KCNQ1: variants seen among roughly 807,000 people sequenced by gnomAD.
KCNQ1 encodes the protein potassium voltage-gated channel subfamily KQT member 1.
Under a neutral mutation model 72.4 loss-of-function variants are expected in KCNQ1, and 49 were observed. The observed-to-expected ratio is 0.68, with a 90% confidence interval of 0.54 to 0.86. KCNQ1 has a LOEUF of 0.86. KCNQ1 is among the 40% of genes least tolerant of loss of function. KCNQ1 has a pLI of 0.00. For synonymous variants in KCNQ1, 450 were observed against 412.6 expected (o/e 1.09, Z -1.10); for missense variants, 790 against 945.1 (o/e 0.84, Z 2.15).
intron 15 of KCNQ1, among the ~76,000 whole-genome samples, chr11:2,829,007 A>G (rs908951047): frequency 6.6e-6 from 1 of 152,278 alleles, no homozygotes; most frequent in East Asian, 1.9e-4. Context: ...TTTCCCATCC[A>G]GAATTCTATA....
Position 2,652,780 on chromosome 11 carries a change from C to G in KCNQ1, c.1394-9181C>G, listed in dbSNP as rs145116772. The stretch of plus-strand genomic sequence containing the variant: ...CACTGCCTGTCTTCCTCAGCGCCCC[C>G]GCTACTCAGACCCCACCCTTGGGCC... On this transcript the variant is annotated intron_variant, in intron 10 of 15. Coordinates refer to ENST00000155840, the MANE Select transcript of KCNQ1 (RefSeq NM_000218.3). This position sits in a 1 kb window ranked among gnomAD's most constrained non-coding sequence, Gnocchi z 5.9. The G allele has an allele frequency of 2.5e-6, 1 of 399,056 alleles. No individual in the cohort carries two copies. The highest frequency in any genetic ancestry group is 3.6e-5 in the East Asian group (1 of 28,098). The allele number at this position is 399,056 out of a possible 1,614,324, so 24.7% of individuals were successfully genotyped here.
intron 11 of KCNQ1, chr11:2,685,991 C>T (rs1850482763): frequency 2.5e-6 from 1 of 398,682 alleles, no homozygotes; most frequent in African/African-American, 2.1e-5. Flanking sequence ...GCCTCAGACT[C>T]CACACCAAGA....
rs1220260996 is a variant in KCNQ1 at position 2,511,965 on chromosome 11, CA to C, written c.387-15962del. 9.8e-5 allele frequency among the ~76,000 whole-genome samples: 15 copies of C among 152,326 alleles called. No homozygotes were observed. In the East Asian group the frequency reaches 2.9e-3, roughly 29 times the overall value. On this transcript the variant is annotated intron_variant, in intron 1 of 15. Coordinates refer to ENST00000155840, the MANE Select transcript of KCNQ1 (RefSeq NM_000218.3). The stretch of plus-strand genomic sequence containing the variant: ...ATGGACAGGGCATGAGGAAGCAGTG[CA>C]GAGGAAGCGTGAGCATTTGTCTCGG...
intron 2 of KCNQ1, among the ~76,000 whole-genome samples, chr11:2,548,107 G>A (rs1033776208): frequency 6.6e-5 from 10 of 152,134 alleles, no homozygotes; most frequent in Non-Finnish European, 1.0e-4. Context: ...CAGACTTAAC[G>A]CCGCCCCTCT....
Position 2,652,189 on chromosome 11 carries a change from G to A in KCNQ1, c.1394-9772G>A. Reference sequence around the variant, plus strand: ...GGGGGTGGGGCCCCAGCAGATGTCTGGATTTGGTAGCCAGGGCCTGGAGCC... The same window carrying A: ...GGGGGTGGGGCCCCAGCAGATGTCTAGATTTGGTAGCCAGGGCCTGGAGCC... On this transcript the variant is annotated intron_variant, in intron 10 of 15. Coordinates refer to ENST00000155840, the MANE Select transcript of KCNQ1 (RefSeq NM_000218.3). The surrounding 1 kb of genome is among the most constrained non-coding windows in gnomAD (Gnocchi z 5.9). 1 of 398,630 alleles carries A rather than the reference G, an allele frequency of 2.5e-6. No individual in the cohort carries two copies. Among genetic ancestry groups the A allele is most frequent in the East Asian group, 3.6e-5 (1 of 28,056 alleles). 24.7% of individuals were successfully genotyped at this position (398,630 alleles called of 1,614,324 possible).
rs1376890642 is a variant in KCNQ1, at chr11:2,661,067, C to G, written c.1394-894C>G. The G allele has an allele frequency of 4.0e-5, 16 of 398,228 alleles. No individual in the cohort carries two copies. In the Admixed American group the frequency reaches 5.3e-4, roughly 13 times the overall value. The allele number at this position is 398,228 out of a possible 1,614,324, so 24.7% of individuals were successfully genotyped here. ...TGTTACAGAGTGACAGGAACAGAGT[C>G]ACAGTGACATCCCATGTGCATAAAA... On this transcript the variant is annotated intron_variant, in intron 10 of 15. Transcript: ENST00000155840. The surrounding 1 kb of genome is among the most constrained non-coding windows in gnomAD (Gnocchi z 5.9).
chr11:2,781,052 C>T lies in KCNQ1; in HGVS notation c.1794+3015C>T, dbSNP rs771607233. Among the ~76,000 whole-genome samples, 6 of 152,202 alleles carry T rather than the reference C, an allele frequency of 3.9e-5. No homozygotes were observed. Among genetic ancestry groups the T allele is most frequent in the South Asian group, 2.1e-4 (1 of 4,826 alleles). On this transcript the variant is annotated intron_variant, in intron 15 of 15. Transcript: ENST00000155840. This position sits in a 1 kb window ranked among gnomAD's most constrained non-coding sequence, Gnocchi z 6.6. ...CGCAGATCCAGGGGCCTCCTCACAG[C>T]GAGTCTACTTCCTGCGGGCCTCCCT...
intron 1 of KCNQ1, among the ~76,000 whole-genome samples, chr11:2,490,297 C>T (rs1080015): frequency 0.53 from 80,481 of 152,140 alleles, 22,640 homozygotes; most frequent in Non-Finnish European, 0.63. Context: ...TCTTTGACTA[C>T]AGACCCTTGC....
In KCNQ1 at chr11:2,626,961, C is replaced by T. The variant is rs1849271586; in HGVS notation, c.1394-35000C>T. 1 of 398,484 alleles carries T rather than the reference C, an allele frequency of 2.5e-6. No individual in the cohort carries two copies. The highest frequency in any genetic ancestry group is 2.1e-5 in the African/African-American group (1 of 48,624). 24.7% of individuals were successfully genotyped at this position (398,484 alleles called of 1,614,324 possible). A position where few individuals can be genotyped will look rare whatever the true frequency, so the allele number is the denominator to read the frequency against. ...TGGGGTTTCTTCTTTCTGCAAATAA[C>T]ATCATTAGGATTTTTATTGGGATTA... On this transcript the variant is annotated intron_variant, in intron 10 of 15. Transcript: ENST00000155840. The surrounding 1 kb of genome is among the most constrained non-coding windows in gnomAD (Gnocchi z 4.0).
rs1040851444 is a variant in KCNQ1 at position 2,703,248 on chromosome 11, G to A, written c.1514+41167G>A. 2.0e-5 allele frequency among the ~76,000 whole-genome samples: 3 copies of A among 152,126 alleles called. No homozygotes were observed. The highest frequency in any genetic ancestry group is 6.6e-5 in the Admixed American group (1 of 15,264). ...GTTGTGGAAGGCTTTGAAATTTGGC[G>A]CCTGCACCTTGTCACCTTCTTGGGA... On this transcript the variant is annotated intron_variant, in intron 11 of 15. Coordinates refer to ENST00000155840, the MANE Select transcript of KCNQ1 (RefSeq NM_000218.3). This position sits in a 1 kb window ranked among gnomAD's most constrained non-coding sequence, Gnocchi z 6.4.
rs1846877984 is a variant in KCNQ1, at chr11:2,494,341, T to C, written c.387-33587T>C. ...TTTCCTATTTGAATACTCTTTATTT[T>C]TTCGCTTGCCTTATTGTCCTGGCCA... is the stretch of plus-strand genomic sequence containing the variant. On this transcript the variant is annotated intron_variant, in intron 1 of 15. Coordinates refer to ENST00000155840, the MANE Select transcript of KCNQ1 (RefSeq NM_000218.3). The surrounding 1 kb of genome is among the most constrained non-coding windows in gnomAD (Gnocchi z 4.6). Among the ~76,000 whole-genome samples the C allele has an allele frequency of 6.6e-6, 1 of 152,082 alleles. No homozygotes were observed. Among genetic ancestry groups the C allele is most frequent in the Admixed American group, 6.6e-5 (1 of 15,246 alleles).
intron 11 of KCNQ1, among the ~76,000 whole-genome samples, chr11:2,727,310 C>T (rs955345194): frequency 6.6e-6 from 1 of 152,128 alleles, no homozygotes; most frequent in African/African-American, 2.4e-5. Flanking sequence ...CAGCTCAAGC[C>T]CTCTCTGAGG....
rs1012083398 is a variant in KCNQ1, at chr11:2,800,593, G to A, written c.1794+22556G>A. On this transcript the variant is annotated intron_variant, in intron 15 of 15. Transcript: ENST00000155840. ...GGATTGAGGTGGCGTTTACAGAACCGGGGGCCAGAGCAGCTGTGGCCGTGA... is the reference window on the plus strand; with the variant it reads ...GGATTGAGGTGGCGTTTACAGAACCAGGGGCCAGAGCAGCTGTGGCCGTGA... Among the ~76,000 whole-genome samples, 8 of 152,354 alleles carry A rather than the reference G, an allele frequency of 5.3e-5. 1 individual carries two copies. The highest frequency in any genetic ancestry group is 6.8e-3 in the Middle Eastern group (2 of 294).
Position 2,827,836 on chromosome 11 carries a change from A to G in KCNQ1, c.1795-19931A>G, listed in dbSNP as rs2134064194. 6.6e-6 allele frequency among the ~76,000 whole-genome samples: 1 copy of G among 152,242 alleles called. No homozygotes were observed. The highest frequency in any genetic ancestry group is 6.5e-5 in the Admixed American group (1 of 15,296). On this transcript the variant is annotated intron_variant, in intron 15 of 15. Transcript: ENST00000155840. This position sits in a 1 kb window ranked among gnomAD's most constrained non-coding sequence, Gnocchi z 6.7. The stretch of plus-strand genomic sequence containing the variant: ...TGTGGTGGTACTGTTTTCCGGAATG[A>G]AGAGGAAGGGGCGGGCAGAAGGCAG...
Position 2,473,939 on chromosome 11 carries a change from A to G in KCNQ1, c.386+28455A>G, listed in dbSNP as rs1213657123. ...CATCCTCCTTCACCAAATCCGCAAAATAGGCCTGATGCCAGGAACGGGGCA... is the reference window on the plus strand; with the variant it reads ...CATCCTCCTTCACCAAATCCGCAAAGTAGGCCTGATGCCAGGAACGGGGCA... On this transcript the variant is annotated intron_variant, in intron 1 of 15. Transcript: ENST00000155840. The surrounding 1 kb of genome is among the most constrained non-coding windows in gnomAD (Gnocchi z 6.0). Among the ~76,000 whole-genome samples, 1 of 152,198 alleles carries G rather than the reference A, an allele frequency of 6.6e-6. No individual in the cohort carries two copies. The highest frequency in any genetic ancestry group is 1.9e-4 in the East Asian group (1 of 5,192).
At position 2,752,600 on chromosome 11, in the gene KCNQ1, G is replaced by A. The variant is rs531854980; in HGVS notation, c.1515-16244G>A. 4.6e-5 allele frequency among the ~76,000 whole-genome samples: 7 copies of A among 152,248 alleles called. No homozygotes were observed. In the East Asian group the frequency reaches 1.2e-3, roughly 25 times the overall value. On this transcript the variant is annotated intron_variant, in intron 11 of 15. Coordinates refer to ENST00000155840, the MANE Select transcript of KCNQ1 (RefSeq NM_000218.3). This position sits in a 1 kb window ranked among gnomAD's most constrained non-coding sequence, Gnocchi z 5.2. ...GGAAGTCAGCGGGCTGTGTCCTCAC[G>A]TGGCAGAAGAGGCAAAAATAAGGTG...
intron 1 of KCNQ1, among the ~76,000 whole-genome samples, chr11:2,454,573 G>A (rs1480841150): frequency 1.3e-5 from 2 of 152,128 alleles, no homozygotes; most frequent in African/African-American, 4.8e-5. Context: ...AGTGCTGCAT[G>A]GGAATTGCAG....
At chr11:2,738,286 C>T (rs1458501773) in intron 11 of KCNQ1, among the ~76,000 whole-genome samples, 1 of 152,034 alleles carries the variant, frequency 6.6e-6, no homozygotes, top group South Asian at 2.1e-4. Context: ...ACAGCGGGTT[C>T]CTTGGCCATG....
At position 2,561,387 on chromosome 11, in the gene KCNQ1, C is replaced by T. The variant is rs75978052; in HGVS notation, c.478-9241C>T. On this transcript the variant is annotated intron_variant, in intron 2 of 15. Transcript: ENST00000155840. ...GTGTGCAGCATGAGAGTCTGTACCC[C>T]ACCTGTACTCAGGACCCTGCCCCCC... is the stretch of plus-strand genomic sequence containing the variant. Among the ~76,000 whole-genome samples the T allele has an allele frequency of 1.9e-4, 29 of 152,274 alleles. No homozygotes were observed. The East Asian group carries it at 5.6e-3, about 30-fold the overall frequency.
Sources: allele counts gnomAD v4.1 joint callset (sites outside exome capture counted in the v4.1 genomes callset), GRCh38; gene constraint gnomAD v4.1.1; non-coding constraint Gnocchi (gnomAD v3.1); transcripts MANE v1.5; gene names NCBI Gene and HGNC (gene_info 2026-07-23, HGNC 2026-07-21).